ZNF17: variants seen among roughly 807,000 people sequenced by gnomAD.
ZNF17 encodes the protein zinc finger protein 17.
Under a neutral mutation model 7.7 loss-of-function variants are expected in ZNF17, and 4 were observed. The ratio of observed to expected loss-of-function variants is 0.52; its 90% CI spans 0.26 to 1.20. The LOEUF (loss-of-function observed/expected upper bound fraction) is 1.20. Among genes scored for constraint, ZNF17 ranks in the 50% most tolerant of loss-of-function variants. The pLI, the probability that ZNF17 is intolerant of heterozygous loss-of-function variation, is 0.14. For missense variants in ZNF17, 738 were observed against 799.5 expected (o/e 0.92, Z 0.93); for synonymous variants, 249 against 258.8 (o/e 0.96, Z 0.36).
chr19:57,420,855 T>G lies in ZNF17; in HGVS notation c.1369T>G (p.Phe457Val). 6.2e-7 allele frequency: 1 copy of G among 1,614,194 alleles called. No individual in the cohort carries two copies. The highest frequency in any genetic ancestry group is 8.5e-7 in the Non-Finnish European group (1 of 1,180,036). ...NKCGKFFRYCFTLNRHQRVHS... is the reference protein window; with the variant it reads ...NKCGKFFRYCVTLNRHQRVHS... ...ATGTGGGAAATTCTTTAGGTATTGC[T>G]TCACACTGAATAGACATCAGAGAGT... Residue 457 changes from phenylalanine to valine, a missense_variant, in exon 4 of 4, where the codon TTC becomes GTC. This residue lies in a region of ZNF17 where 616 missense variants were observed against 663.9 expected (regional missense o/e 0.93). Coordinates refer to ENST00000307658, the MANE Select transcript of ZNF17 (RefSeq NM_001330617.2).
intron 2 of ZNF17, among the ~76,000 whole-genome samples, chr19:57,414,416 C>A (rs1173177812): frequency 6.6e-6 from 1 of 151,260 alleles, no homozygotes; most frequent in Non-Finnish European, 1.5e-5. Flanking sequence ...ATCATTGCGA[C>A]CTCTGTCTCC....
intron 2 of ZNF17, among the ~76,000 whole-genome samples, chr19:57,417,292 G>A (rs2088816752): frequency 6.6e-6 from 1 of 152,094 alleles, no homozygotes; most frequent in Non-Finnish European, 1.5e-5. Context: ...GGAAAGGCAT[G>A]CAGGGGAGAG....
intron 2 of ZNF17, among the ~76,000 whole-genome samples, chr19:57,417,049 A>G (rs762954238): frequency 4.6e-5 from 7 of 152,158 alleles, no homozygotes; most frequent in Non-Finnish European, 5.9e-5. Context: ...CAGGATTTCA[A>G]TCTGTGAACA....
intron 3 of ZNF17, 53 bp from the exon 4 acceptor site, chr19:57,419,582 G>T (rs1052384101): frequency 5.2e-6 from 8 of 1,548,282 alleles, no homozygotes; most frequent in Non-Finnish European, 6.1e-6. Flanking sequence ...TTGTTATGGG[G>T]CTGCCTCTTC....
chr19:57,421,283 C>G lies in ZNF17; in HGVS notation c.1797C>G (p.Leu599=). 6.2e-7 allele frequency: 1 copy of G among 1,613,700 alleles called. No homozygotes were observed. The highest frequency in any genetic ancestry group is 8.5e-7 in the Non-Finnish European group (1 of 1,179,916). ...CGKFFMDSST[L]ISHERVHTGE... is the part of the protein sequence containing the mutation. Reference sequence around the variant, plus strand: ...AATTTTTTATGGACAGCTCCACACTCATTAGTCATGAGAGAGTTCATACTG... The same window carrying G: ...AATTTTTTATGGACAGCTCCACACTGATTAGTCATGAGAGAGTTCATACTG... The change falls in exon 4 of 4, where the codon CTC becomes CTG. Residue 599 remains leucine, a synonymous_variant. Coordinates refer to ENST00000307658, the MANE Select transcript of ZNF17 (RefSeq NM_001330617.2).
chr19:57,413,584 C>T lies in ZNF17; in HGVS notation c.-20-12C>T. 2 of 1,535,848 alleles carry T rather than the reference C, an allele frequency of 1.3e-6. No homozygotes were observed. The highest frequency in any genetic ancestry group is 1.7e-6 in the Non-Finnish European group (2 of 1,146,904). On this transcript the variant is annotated splice_polypyrimidine_tract_variant and intron_variant, in intron 1 of 3. Coordinates refer to ENST00000307658, the MANE Select transcript of ZNF17 (RefSeq NM_001330617.2). Reference sequence around the variant, plus strand: ...TGCTGTCTTAATCCTCATGGCCTGCCTCTTCCCACAGGGTTCATAGCAGTG... The same window carrying T: ...TGCTGTCTTAATCCTCATGGCCTGCTTCTTCCCACAGGGTTCATAGCAGTG...
At position 57,420,511 on chromosome 19, in the gene ZNF17, T is replaced by C. The variant is rs1333743858; in HGVS notation, c.1025T>C (p.Met342Thr). 4 of 1,613,620 alleles carry C rather than the reference T, an allele frequency of 2.5e-6. No homozygotes were observed. Among genetic ancestry groups the C allele is most frequent in the African/African-American group, 1.3e-5 (1 of 74,754 alleles). ...TGCAATGAATGTGGGAAATACTTTA[T>C]GTACAGTTCAGCACTCATTAGACAT... ...YGCNECGKYF[M>T]YSSALIRHQK... The change falls in exon 4 of 4, where the codon ATG (methionine) becomes ACG (threonine). Residue 342 changes from methionine to threonine, a missense_variant. Around this residue, in one of 3 missense-constraint regions of ZNF17, gnomAD observed 616 missense variants for 663.9 expected, o/e 0.93. Coordinates refer to ENST00000307658, the MANE Select transcript of ZNF17 (RefSeq NM_001330617.2).
chr19:57,417,281 TGGAAA>T (rs1243170481), intron 2 of ZNF17, among the ~76,000 whole-genome samples: 1 of 152,046 alleles, frequency 6.6e-6, no homozygotes, highest in Non-Finnish European at 1.5e-5. Context: ...GGGTTTTGGC[TGGAAA>T]GGCATGCAGG....
chr19:57,413,990 G>A (rs1260875648), intron 2 of ZNF17, among the ~76,000 whole-genome samples: 1 of 152,144 alleles, frequency 6.6e-6, no homozygotes, highest in Non-Finnish European at 1.5e-5. Context: ...GGCATGCAGG[G>A]ATCAGGCATG....
intron 1 of ZNF17, 88 bp downstream of exon 1, chr19:57,411,494 G>T (rs550576009): frequency 1.9e-6 from 3 of 1,541,996 alleles, no homozygotes; most frequent in Admixed American, 4.1e-5. Context: ...AGGCCCCTGT[G>T]TCCCAAAGAG....
chr19:57,420,014 C>A lies in ZNF17; in HGVS notation c.528C>A (p.His176Gln), dbSNP rs781484279. 7 of 1,614,196 alleles carry A rather than the reference C, an allele frequency of 4.3e-6. No homozygotes were observed. The South Asian group carries it at 7.7e-5, about 18-fold the overall frequency. Residue 176 changes from histidine (H) to glutamine (Q), a missense_variant, in exon 4 of 4, where the codon CAC becomes CAA. This residue lies in a region of ZNF17 where 616 missense variants were observed against 663.9 expected (regional missense o/e 0.93). Transcript: ENST00000307658. The part of the protein sequence containing the change: ...QQALHSGWKP[H>Q]RDTHGVEAFQ... ...CTCTTCACAGTGGGTGGAAGCCACA[C>A]AGGGACACTCATGGTGTGGAGGCCT... is the stretch of plus-strand genomic sequence containing the variant.
At chr19:57,419,584 T>C (rs773868751) in intron 3 of ZNF17, 51 bp from the exon 4 acceptor site, 8 of 1,553,120 alleles carry the variant, frequency 5.2e-6, no homozygotes, top group Non-Finnish European at 6.1e-6. Flanking sequence ...GTTATGGGGC[T>C]GCCTCTTCCC....
chr19:57,421,911 TTC>T lies in ZNF17; in HGVS notation c.*432_*433del, dbSNP rs1200744913. ...CATCCTTTTTAAAGGCTGAATAAAA[TTC>T]TGTTAGTCATGTGTTGCTTAACAGT... On this transcript the variant is annotated 3_prime_UTR_variant, in exon 4 of 4. Transcript: ENST00000307658. 5 of 157,286 alleles carry T rather than the reference TTC, an allele frequency of 3.2e-5. No individual in the cohort carries two copies. The highest frequency in any genetic ancestry group is 9.6e-5 in the African/African-American group (4 of 41,520). 9.7% of individuals were successfully genotyped at this position (157,286 alleles called of 1,614,324 possible). A position where few individuals can be genotyped will look rare whatever the true frequency, so the allele number is the denominator to read the frequency against.
chr19:57,419,761 G>C lies in ZNF17; in HGVS notation c.275G>C (p.Ser92Thr). 6.2e-7 allele frequency: 1 copy of C among 1,614,172 alleles called. No individual in the cohort carries two copies. The highest frequency in any genetic ancestry group is 8.5e-7 in the Non-Finnish European group (1 of 1,180,030). Residue 92 changes from serine (S) to threonine (T), a missense_variant, in exon 4 of 4, where the codon AGC becomes ACC. By Grantham distance (58) the Ser-to-Thr change is moderately conservative. Coordinates refer to ENST00000307658, the MANE Select transcript of ZNF17 (RefSeq NM_001330617.2). ...AAGGCCCAGCCCTGTGAGACATGTAGCTCACTTCTGAAGGACATTCTACAC... is the reference window on the plus strand; with the variant it reads ...AAGGCCCAGCCCTGTGAGACATGTACCTCACTTCTGAAGGACATTCTACAC... ...TQKAQPCETC[S>T]SLLKDILHLA...
At chr19:57,411,772 G>C in intron 1 of ZNF17, 1 of 827,730 alleles carries the variant, frequency 1.2e-6, no homozygotes. Flanking sequence ...GTTAAACCAG[G>C]ACAAGGGGAC....
At position 57,421,238 on chromosome 19, in the gene ZNF17, C is replaced by A. The variant is rs2088849569; in HGVS notation, c.1752C>A (p.Tyr584Ter). 1 of 1,613,742 alleles carries A rather than the reference C, an allele frequency of 6.2e-7. No homozygotes were observed. Among genetic ancestry groups the A allele is most frequent in the Admixed American group, 1.7e-5 (1 of 59,974 alleles). The change falls in exon 4 of 4, where the codon TAC becomes TAA. Residue 584 changes from tyrosine to a stop codon, truncating the protein, a stop_gained. Coordinates refer to ENST00000307658, the MANE Select transcript of ZNF17 (RefSeq NM_001330617.2). LOFTEE classifies it low-confidence loss of function (END_TRUNC). The part of the protein sequence containing the change: ...HQKVHTRERT[Y>*]KCSKCGKFFM... ...AAGTTCACACTAGGGAAAGAACTTA[C>A]AAATGCAGCAAATGTGGGAAATTTT...
rs190255762 is a variant in ZNF17, at chr19:57,421,176, G to A, written c.1690G>A (p.Val564Ile). ...RSFECTECGR[V>I]FSQNSHLIRH... The stretch of plus-strand genomic sequence containing the variant: ...TTTTGAGTGCACTGAGTGTGGGAGA[G>A]TTTTTAGCCAAAATTCCCACCTCAT... The change falls in exon 4 of 4, where the codon GTT becomes ATT. Residue 564 changes from valine (V) to isoleucine (I), a missense_variant. Val to Ile is a conservative substitution (Grantham distance 29). This residue lies in a region of ZNF17 where 6 missense variants were observed against 21.5 expected (regional missense o/e 0.28). Transcript: ENST00000307658. 1.2e-5 allele frequency: 19 copies of A among 1,614,128 alleles called. No homozygotes were observed. The East Asian group carries it at 3.3e-4, about 28-fold the overall frequency.
In ZNF17 at chr19:57,420,286, A is replaced by C. The variant is rs201131191; in HGVS notation, c.800A>C (p.Gln267Pro). The change falls in exon 4 of 4, where the codon CAG becomes CCG. Residue 267 changes from glutamine to proline, a missense_variant. Around this residue, in one of 3 missense-constraint regions of ZNF17, gnomAD observed 616 missense variants for 663.9 expected, o/e 0.93. Coordinates refer to ENST00000307658, the MANE Select transcript of ZNF17 (RefSeq NM_001330617.2). ...FSLKYNVVQHQKIHTGERPYE... is the reference protein window; with the variant it reads ...FSLKYNVVQHPKIHTGERPYE... ...CTCAAATACAATGTTGTTCAACACCAGAAAATTCACACTGGAGAAAGGCCT... is the reference window on the plus strand; with the variant it reads ...CTCAAATACAATGTTGTTCAACACCCGAAAATTCACACTGGAGAAAGGCCT... The C allele has an allele frequency of 2.9e-5, 47 of 1,614,212 alleles. No homozygotes were observed. Among genetic ancestry groups the C allele is most frequent in the Non-Finnish European group, 3.9e-5 (46 of 1,180,002 alleles).
chr19:57,419,868 A>T lies in ZNF17; in HGVS notation c.382A>T (p.Thr128Ser), dbSNP rs778238106. The T allele has an allele frequency of 3.1e-6, 5 of 1,614,234 alleles. No individual in the cohort carries two copies. The South Asian group carries it at 3.3e-5, about 11-fold the overall frequency. The change falls in exon 4 of 4, where the codon ACC becomes TCC. Residue 128 changes from threonine to serine, a missense_variant. Physicochemically the swap from Thr to Ser is moderately conservative, Grantham distance 58. Coordinates refer to ENST00000307658, the MANE Select transcript of ZNF17 (RefSeq NM_001330617.2). ...HQKEHLREKL[T>S]RSDEGRPSFV... ...AAAGGAGCATCTTAGAGAGAAGCTC[A>T]CCAGAAGTGATGAAGGGAGGCCTTC...
Sources: allele counts gnomAD v4.1 joint callset (sites outside exome capture counted in the v4.1 genomes callset), GRCh38; gene constraint gnomAD v4.1.1; regional missense constraint gnomAD v4.1.1; transcripts MANE v1.5; gene names NCBI Gene and HGNC (gene_info 2026-07-23, HGNC 2026-07-21).